Variants in KIAA0586 observed in about 807,000 individuals in gnomAD.
KIAA0586 encodes the protein KIAA0586, also known as protein TALPID3.
Under a neutral mutation model 169.8 loss-of-function variants are expected in KIAA0586, and 144 were observed. The observed-to-expected ratio is 0.85, with a 90% CI of 0.74 to 0.97. KIAA0586 has a LOEUF of 0.97. KIAA0586 is among the 50% of genes least tolerant of loss of function. KIAA0586 has a pLI of 0.00. For missense variants in KIAA0586, 1,854 were observed against 1,823.0 expected, an observed-to-expected ratio of 1.02 and a Z score of -0.31; for synonymous variants, 625 against 612.4, an observed-to-expected ratio of 1.02 and a Z score of -0.30.
At chr14:58,555,998 A>G (rs755885640), downstream of KIAA0586, among the ~76,000 whole-genome samples, 38 of 152,228 alleles carry the variant, frequency 2.5e-4, no homozygotes, top group Non-Finnish European at 4.8e-4. Context: ...TAACTGACAC[A>G]TATTTTTCAT....
At chr14:58,428,653 G>A (rs1482717048) in intron 1 of KIAA0586, among the ~76,000 whole-genome samples, 190 bp downstream of exon 1, 3 of 144,394 alleles carry the variant, frequency 2.1e-5, no homozygotes, top group Non-Finnish European at 1.5e-5. Context: ...AAACTTTAAC[G>A]TCCCCTGTTG....
At position 58,435,583 on chromosome 14, in the gene KIAA0586, T is replaced by A. The variant is rs377162995; in HGVS notation, c.410+3126T>A. Reference sequence around the variant, plus strand: ...ACGTATTCCTGACTTATTCCTCCTATGTAGCTGTAATTTTGTATCCTTTAA... The same window carrying A: ...ACGTATTCCTGACTTATTCCTCCTAAGTAGCTGTAATTTTGTATCCTTTAA... On this transcript the variant is annotated intron_variant, in intron 4 of 30. Transcript: ENST00000652326. Among the ~76,000 whole-genome samples, 4 of 152,336 alleles carry A rather than the reference T, an allele frequency of 2.6e-5. 1 individual carries two copies.
intron 21 of KIAA0586, among the ~76,000 whole-genome samples, chr14:58,485,404 G>A (rs1179552151): frequency 6.6e-6 from 1 of 152,064 alleles, no homozygotes; most frequent in Non-Finnish European, 1.5e-5. Flanking sequence ...TGATAAATCT[G>A]GGGGAAATTG....
the KIAA0586 span, among the ~76,000 whole-genome samples, chr14:58,559,243 G>A: frequency 1.3e-5 from 2 of 152,138 alleles, no homozygotes; most frequent in Admixed American, 6.5e-5. Flanking sequence ...AGATATTGGG[G>A]ATCCCCCCAT....
chr14:58,436,682 T>C (rs1009250486), intron 4 of KIAA0586, among the ~76,000 whole-genome samples: 2 of 152,208 alleles, frequency 1.3e-5, no homozygotes, highest in Admixed American at 6.5e-5. Flanking sequence ...ATATTTATAC[T>C]GTATATGTGT....
chr14:58,429,321 C>G lies in KIAA0586; in HGVS notation c.200-42C>G, dbSNP rs772474341. ...ATATACAGTTTCTAAAGCTAAGGAT[C>G]TGATTTTAAAATCACTAAAATCTAT... On this transcript the variant is annotated intron_variant, in intron 1 of 30. Transcript: ENST00000652326. 5 of 1,181,692 alleles carry G rather than the reference C, an allele frequency of 4.2e-6. No homozygotes were observed. The South Asian group carries it at 6.1e-5, about 14-fold the overall frequency. The allele number at this position is 1,181,692 out of a possible 1,614,324, so 73.2% of individuals were successfully genotyped here. A position where few individuals can be genotyped will look rare whatever the true frequency, so the allele number is the denominator to read the frequency against.
At chr14:58,494,191 C>G (rs1326358481) in intron 26 of KIAA0586, among the ~76,000 whole-genome samples, 1 of 150,798 alleles carries the variant, frequency 6.6e-6, no homozygotes, top group African/African-American at 2.4e-5. Context: ...TTTCTTATCC[C>G]TTAAATTTTC....
intron 1 of KIAA0586, among the ~76,000 whole-genome samples, chr14:58,429,079 AC>A (rs1250764247): frequency 2.0e-5 from 3 of 152,196 alleles, no homozygotes; most frequent in Non-Finnish European, 4.4e-5. Context: ...ACATATTTCT[AC>A]CCATAGTTTG....
At chr14:58,503,835 A>T (rs2043749704) in intron 27 of KIAA0586, among the ~76,000 whole-genome samples, 1 of 151,784 alleles carries the variant, frequency 6.6e-6, no homozygotes, top group African/African-American at 2.4e-5. Context: ...AGCAAGGGTT[A>T]ATCGTGGAAA....
At chr14:58,502,691 T>G (rs187999572) in intron 27 of KIAA0586, among the ~76,000 whole-genome samples, 15 of 152,276 alleles carry the variant, frequency 9.9e-5, no homozygotes, top group African/African-American at 3.4e-4. Context: ...GTTGTTCTCT[T>G]TAATAATGCT....
intron 26 of KIAA0586, among the ~76,000 whole-genome samples, chr14:58,496,571 T>A (rs112849045): frequency 2.9e-4 from 44 of 152,320 alleles, no homozygotes; most frequent in African/African-American, 1.1e-3. Context: ...AGGCAATCAG[T>A]ATTCCTAAAG....
chr14:58,537,133 CT>C, intron 29 of KIAA0586: 1 of 1,115,064 alleles, frequency 9.0e-7, no homozygotes, highest in Non-Finnish European at 1.1e-6. Context: ...AATACTCACC[CT>C]TCCAGTAAAC....
At chr14:58,558,855 G>GCAA in the KIAA0586 span, among the ~76,000 whole-genome samples, 6 of 152,190 alleles carry the variant, frequency 3.9e-5, no homozygotes, top group South Asian at 2.1e-4. Flanking sequence ...GTTCTTAACA[G>GCAA]CAACAACAAC....
intron 29 of KIAA0586, among the ~76,000 whole-genome samples, chr14:58,523,610 A>G (rs2045370501): frequency 6.6e-6 from 1 of 152,048 alleles, no homozygotes. Flanking sequence ...TTACATTTTG[A>G]AATTAATGAG....
Position 58,548,027 on chromosome 14 carries a change from G to A in KIAA0586, c.*95G>A, listed in dbSNP as rs2047091875. On this transcript the variant is annotated 3_prime_UTR_variant, in exon 31 of 31. Coordinates refer to ENST00000652326, the MANE Select transcript of KIAA0586 (RefSeq NM_001329943.3). ...CTCTCTCAGACTGTTTGGTTTTTGAGCATATTCTGAAAAAAAAATTCCAAT... is the reference window on the plus strand; with the variant it reads ...CTCTCTCAGACTGTTTGGTTTTTGAACATATTCTGAAAAAAAAATTCCAAT... The A allele has an allele frequency of 1.5e-6, 2 of 1,376,468 alleles. No individual in the cohort carries two copies. Among genetic ancestry groups the A allele is most frequent in the Admixed American group, 2.5e-5 (1 of 39,376 alleles). The allele number at this position is 1,376,468 out of a possible 1,614,324, so 85.3% of individuals were successfully genotyped here.
rs1321313652 is a variant in KIAA0586 at position 58,467,278 on chromosome 14, C to T, written c.2255-457C>T. On this transcript the variant is annotated intron_variant, in intron 15 of 30. Coordinates refer to ENST00000652326, the MANE Select transcript of KIAA0586 (RefSeq NM_001329943.3). ...TATACAAATTGTATAGCTAAGAAAA[C>T]TGAAGCACAAAAGGGTTACATAATT... Among the ~76,000 whole-genome samples the T allele has an allele frequency of 7.9e-5, 12 of 152,202 alleles. No homozygotes were observed. In the East Asian group the frequency reaches 2.3e-3, roughly 29 times the overall value.
chr14:58,457,701 T>C, intron 10 of KIAA0586, 58 bp from the exon 11 acceptor site: 1 of 1,128,792 alleles, frequency 8.9e-7, no homozygotes. Context: ...ATAGCTGTTA[T>C]TTTGATTAAA....
chr14:58,552,011 A>C (rs539932848), downstream of KIAA0586, among the ~76,000 whole-genome samples: 1 of 152,118 alleles, frequency 6.6e-6, no homozygotes, highest in African/African-American at 2.4e-5. Flanking sequence ...GTGGATCCTC[A>C]GGGGGAGGCT....
chr14:58,516,814 G>T (rs2044793718), intron 29 of KIAA0586, among the ~76,000 whole-genome samples: 1 of 151,716 alleles, frequency 6.6e-6, no homozygotes, highest in Non-Finnish European at 1.5e-5. Flanking sequence ...ATAGAATAGA[G>T]AATTCAAAAA....
Sources: gnomAD v4.1 joint callset for allele counts (sites outside exome capture counted in the v4.1 genomes callset) on GRCh38, gnomAD v4.1.1 for gene constraint, MANE v1.5 for transcripts, NCBI Gene and HGNC (gene_info 2026-07-23, HGNC 2026-07-21) for gene names.